Variants in SLC16A7 observed in about 807,000 individuals in gnomAD.
SLC16A7 encodes the protein monocarboxylate transporter 2.
Under a neutral mutation model 34.9 loss-of-function variants are expected in SLC16A7, and 33 were observed. The ratio of observed to expected loss-of-function variants is 0.94; its 90% CI spans 0.72 to 1.26. The LOEUF (loss-of-function observed/expected upper bound fraction) is 1.26, where lower values mean the gene tolerates loss of function less well. Among genes scored for constraint, SLC16A7 ranks in the 50% most tolerant of loss-of-function variants. The pLI is 0.00. For synonymous variants in SLC16A7, 201 were observed against 206.6 expected, an observed-to-expected ratio of 0.97 and a Z score of 0.23; for missense variants, 573 against 578.1, an observed-to-expected ratio of 0.99 and a Z score of 0.09.
At chr12:59,720,140 G>A (rs550900895) in intron 3 of SLC16A7, 29 of 688,364 alleles carry the variant, frequency 4.2e-5, no homozygotes, top group African/African-American at 1.7e-4. Context: ...TTATGGGATC[G>A]CTGTCTAAAG....
intron 1 of SLC16A7, among the ~76,000 whole-genome samples, chr12:59,645,309 G>T (rs1040034043): frequency 1.3e-5 from 2 of 152,160 alleles, no homozygotes; most frequent in Non-Finnish European, 2.9e-5. Context: ...AAAACCATTT[G>T]ATATGGTTGG....
intron 3 of SLC16A7, among the ~76,000 whole-genome samples, chr12:59,744,523 CAATT>C (rs1878679336): frequency 6.6e-6 from 1 of 152,160 alleles, no homozygotes; most frequent in African/African-American, 2.4e-5. Context: ...CACCAACCCT[CAATT>C]CATTCGTGCA....
chr12:59,631,792 C>G (rs1228578500), intron 1 of SLC16A7, among the ~76,000 whole-genome samples: 3 of 151,884 alleles, frequency 2.0e-5, no homozygotes, highest in Admixed American at 6.6e-5. Flanking sequence ...TTTTCTGTTC[C>G]TGCGTTAGTT....
intron 3 of SLC16A7, among the ~76,000 whole-genome samples, chr12:59,770,396 C>A (rs753214922): frequency 1.3e-5 from 2 of 152,146 alleles, no homozygotes; most frequent in Non-Finnish European, 2.9e-5. Flanking sequence ...TAAAGAGCTA[C>A]ACCCAATCTT....
At chr12:59,696,958 T>A (rs952630284) in intron 2 of SLC16A7, among the ~76,000 whole-genome samples, 2 of 151,840 alleles carry the variant, frequency 1.3e-5, no homozygotes, top group African/African-American at 4.8e-5. Flanking sequence ...AGAAATAAAT[T>A]GATGAACTAT....
intron 2 of SLC16A7, among the ~76,000 whole-genome samples, chr12:59,704,474 A>G (rs12296723): frequency 0.022 from 3,382 of 152,218 alleles, 138 homozygotes; most frequent in African/African-American, 0.076. Flanking sequence ...TGACTGATGT[A>G]TAATGTAAAA....
chr12:59,697,461 G>C (rs1872435686), intron 2 of SLC16A7, among the ~76,000 whole-genome samples: 1 of 151,922 alleles, frequency 6.6e-6, no homozygotes, highest in Admixed American at 6.6e-5. Context: ...AAGGCTGGTA[G>C]TATATGCTAT....
chr12:59,743,406 TACA>T (rs904578910), intron 3 of SLC16A7, among the ~76,000 whole-genome samples: 1 of 152,234 alleles, frequency 6.6e-6, no homozygotes, highest in Non-Finnish European at 1.5e-5. Context: ...GAGAAAAGGA[TACA>T]ACATCATAAT....
At chr12:59,664,707 C>T (rs1476723683) in intron 2 of SLC16A7, 2 of 152,076 alleles carry the variant, frequency 1.3e-5, no homozygotes, top group African/African-American at 4.8e-5. Flanking sequence ...TAATTTAAGC[C>T]AAGCTTACTT....
chr12:59,689,145 C>T (rs1160792325), intron 2 of SLC16A7, among the ~76,000 whole-genome samples: 1 of 151,750 alleles, frequency 6.6e-6, no homozygotes, highest in Non-Finnish European at 1.5e-5. Context: ...ATGGAGCTTT[C>T]CTAATCATTA....
chr12:59,766,620 T>C (rs1316773814), intron 3 of SLC16A7, among the ~76,000 whole-genome samples: 1 of 152,358 alleles, frequency 6.6e-6, no homozygotes, highest in East Asian at 1.9e-4. Flanking sequence ...TCTGTTTATA[T>C]GCTGGATTAC....
chr12:59,699,509 A>G (rs1592523626), intron 2 of SLC16A7, among the ~76,000 whole-genome samples: 2 of 151,834 alleles, frequency 1.3e-5, no homozygotes, highest in African/African-American at 2.4e-5. Context: ...AATTTCTACA[A>G]TAAATCTTCT....
At chr12:59,652,941 C>T (rs1362924037) in intron 1 of SLC16A7, among the ~76,000 whole-genome samples, 1 of 151,668 alleles carries the variant, frequency 6.6e-6, no homozygotes, top group Non-Finnish European at 1.5e-5. Context: ...AAAAGGCATG[C>T]CGAAACAAAT....
At chr12:59,634,516 G>C (rs1053094014) in intron 1 of SLC16A7, among the ~76,000 whole-genome samples, 1 of 151,958 alleles carries the variant, frequency 6.6e-6, no homozygotes, top group Non-Finnish European at 1.5e-5. Flanking sequence ...AAACTTTGGG[G>C]ATAAGGGGGA....
chr12:59,712,338 G>T (rs1160383494), intron 3 of SLC16A7, among the ~76,000 whole-genome samples: 1 of 152,138 alleles, frequency 6.6e-6, no homozygotes, highest in East Asian at 1.9e-4. Flanking sequence ...ATTTCTAAAA[G>T]AAATCTATGC....
At position 59,649,992 on chromosome 12, in the gene SLC16A7, T is replaced by A. The variant is rs1033667669; in HGVS notation, c.-129-5160T>A. 4.6e-5 allele frequency among the ~76,000 whole-genome samples: 7 copies of A among 152,172 alleles called. No individual in the cohort carries two copies. The East Asian group carries it at 1.2e-3, about 25-fold the overall frequency. On this transcript the variant is annotated intron_variant, in intron 1 of 5. Coordinates refer to ENST00000547379, the MANE Select transcript of SLC16A7 (RefSeq NM_001270623.2). ...AAAGTTCTAAAAATATTAGTAAAAATTTTATAGATATTTGTCTAATATTTC... is the reference window on the plus strand; with the variant it reads ...AAAGTTCTAAAAATATTAGTAAAAAATTTATAGATATTTGTCTAATATTTC...
chr12:59,774,664 T>TTTAGCC lies in SLC16A7; in HGVS notation c.372_377dup (p.Leu124_Ala125dup), dbSNP rs1173247621. ...TTGTTTTGTTCTTTTTAGGTTTAGG[T>TTTAGCC]TTAGCCTTCAACCTGCAACCCGCCT... On this transcript the variant is annotated inframe_insertion, in exon 5 of 6. Coordinates refer to ENST00000547379, the MANE Select transcript of SLC16A7 (RefSeq NM_001270623.2). 1.3e-6 allele frequency: 2 copies of TTTAGCC among 1,580,648 alleles called. No individual in the cohort carries two copies. The highest frequency in any genetic ancestry group is 2.7e-5 in the African/African-American group (2 of 73,324).
chr12:59,700,491 A>G (rs1314817265), intron 2 of SLC16A7, among the ~76,000 whole-genome samples: 3 of 149,094 alleles, frequency 2.0e-5, no homozygotes, highest in African/African-American at 7.3e-5. Context: ...TAATAATTGT[A>G]TTAAATAATT....
intron 3 of SLC16A7, among the ~76,000 whole-genome samples, chr12:59,719,002 A>C (rs1875250134): frequency 6.6e-6 from 1 of 152,154 alleles, no homozygotes; most frequent in African/African-American, 2.4e-5. Flanking sequence ...CTAGAGTAAG[A>C]AAACTTGTCA....
Sources: gnomAD v4.1 joint callset for allele counts (sites outside exome capture counted in the v4.1 genomes callset) on GRCh38, gnomAD v4.1.1 for gene constraint, MANE v1.5 for transcripts, NCBI Gene and HGNC (gene_info 2026-07-23, HGNC 2026-07-21) for gene names.